The following SLC25A12 variants were observed in gnomAD, a reference collection of about 807,000 sequenced individuals.
SLC25A12 encodes the protein solute carrier family 25 member 12.
A neutral mutation model predicts 83.3 loss-of-function variants in SLC25A12; 32 were observed. The observed-to-expected ratio is 0.38, with a 90% CI of 0.29 to 0.52. The LOEUF (loss-of-function observed/expected upper bound fraction) is 0.52. Ranked by LOEUF, SLC25A12 falls within the 20% of genes least tolerant of loss-of-function variation. The pLI, the probability that SLC25A12 is intolerant of heterozygous loss-of-function variation, is 0.84. For missense variants in SLC25A12, 611 were observed against 835.6 expected, an observed-to-expected ratio of 0.73 and a Z score of 3.31; for synonymous variants, 267 against 291.1, an observed-to-expected ratio of 0.92 and a Z score of 0.84.
intron 4 of SLC25A12, among the ~76,000 whole-genome samples, chr2:171,848,528 C>G (rs2105898950): frequency 6.6e-6 from 1 of 151,944 alleles, no homozygotes; most frequent in Non-Finnish European, 1.5e-5. Flanking sequence ...CATAGCTGAA[C>G]AAAAACAATG....
chr2:171,792,888 C>A (rs1283709580), intron 14 of SLC25A12, among the ~76,000 whole-genome samples: 1 of 152,136 alleles, frequency 6.6e-6, no homozygotes, highest in African/African-American at 2.4e-5. Flanking sequence ...CACATTTCTG[C>A]AGTGATGGAT....
chr2:171,793,674 T>C lies in SLC25A12; in HGVS notation c.1399A>G (p.Ser467Gly). 6.2e-7 allele frequency: 1 copy of C among 1,614,188 alleles called. No homozygotes were observed. The highest frequency in any genetic ancestry group is 8.5e-7 in the Non-Finnish European group (1 of 1,180,032). The change falls in exon 14 of 18, where the codon AGC (serine) becomes GGC (glycine). Residue 467 changes from serine (S) to glycine (G), a missense_variant. This residue lies in a region of SLC25A12 where 540 missense variants were observed against 777.5 expected (regional missense o/e 0.69). Coordinates refer to ENST00000422440, the MANE Select transcript of SLC25A12 (RefSeq NM_003705.5). ...AGEITTGPRV[S>G]ALNVLRDLGI... Reference sequence around the variant, plus strand: ...AAGTCCCGGAGCACATTCAGGGCGCTGACTCTGGGTCCCGTGGTGATCTCT... The same window carrying C: ...AAGTCCCGGAGCACATTCAGGGCGCCGACTCTGGGTCCCGTGGTGATCTCT...
chr2:171,820,960 GGTGA>G (rs767288457), intron 9 of SLC25A12, among the ~76,000 whole-genome samples: 73 of 148,178 alleles, frequency 4.9e-4, no homozygotes, highest in Non-Finnish European at 9.4e-4. Flanking sequence ...TTCTACTGTT[GGTGA>G]GTATTTAGAT....
In SLC25A12 at chr2:171,810,243, T is replaced by C; in HGVS notation, c.1205A>G (p.Glu402Gly). 1 of 1,613,664 alleles carries C rather than the reference T, an allele frequency of 6.2e-7. No homozygotes were observed. The highest frequency in any genetic ancestry group is 8.5e-7 in the Non-Finnish European group (1 of 1,179,614). ...LIPQLIGVAP[E>G]KAIKLTVNDF... is the part of the protein sequence containing the mutation. Reference sequence around the variant, plus strand: ...ACTTACAGTCAGTTTAATGGCCTTTTCTGGAGCAACCCCTATAAGTTGTGG... The same window carrying C: ...ACTTACAGTCAGTTTAATGGCCTTTCCTGGAGCAACCCCTATAAGTTGTGG... The change falls in exon 12 of 18, where the codon GAA becomes GGA. Residue 402 changes from glutamate (E) to glycine (G), a missense_variant. Glu to Gly is a moderately conservative substitution (Grantham distance 98, BLOSUM62 -2). This residue lies in a region of SLC25A12 where 540 missense variants were observed against 777.5 expected (regional missense o/e 0.69). Transcript: ENST00000422440.
At chr2:171,807,459 TC>T (rs1345218216) in intron 13 of SLC25A12, among the ~76,000 whole-genome samples, 2 of 152,178 alleles carry the variant, frequency 1.3e-5, no homozygotes, top group African/African-American at 4.8e-5. Flanking sequence ...AGGTCACATG[TC>T]AGACATGGAA....
At chr2:171,832,098 T>C (rs1016166361) in intron 8 of SLC25A12, among the ~76,000 whole-genome samples, 1 of 152,200 alleles carries the variant, frequency 6.6e-6, no homozygotes, top group Admixed American at 6.5e-5. Flanking sequence ...CTGTATGGTT[T>C]CAAGGAAACC....
At chr2:171,848,037 AAT>A in intron 4 of SLC25A12, 1 of 369,918 alleles carries the variant, frequency 2.7e-6, no homozygotes, top group East Asian at 7.4e-5. Flanking sequence ...ATATTATGTA[AAT>A]ATGTCTTAAC....
At chr2:171,884,200 T>C (rs1223290651) in intron 2 of SLC25A12, among the ~76,000 whole-genome samples, 4 of 149,830 alleles carry the variant, frequency 2.7e-5, no homozygotes, top group African/African-American at 9.8e-5. Context: ...CTTTTTTTTT[T>C]TTCCCCCCGA....
chr2:171,857,711 G>A (rs1685075156), intron 3 of SLC25A12, among the ~76,000 whole-genome samples: 2 of 151,124 alleles, frequency 1.3e-5, no homozygotes, highest in South Asian at 2.1e-4. Context: ...AAATAAAAAT[G>A]TTAAAAGGAA....
At chr2:171,845,047 A>T (rs1684763905) in intron 4 of SLC25A12, among the ~76,000 whole-genome samples, 1 of 152,168 alleles carries the variant, frequency 6.6e-6, no homozygotes, top group Non-Finnish European at 1.5e-5. Flanking sequence ...CACCTTATTA[A>T]AAGCTTCTGA....
chr2:171,839,527 AAC>A (rs1684628862), intron 5 of SLC25A12, among the ~76,000 whole-genome samples: 1 of 152,194 alleles, frequency 6.6e-6, no homozygotes, highest in Non-Finnish European at 1.5e-5. Context: ...GAGCTTCAGA[AAC>A]AGTGTGACTG....
At chr2:171,877,553 T>G (rs1429488372) in intron 2 of SLC25A12, among the ~76,000 whole-genome samples, 1 of 151,438 alleles carries the variant, frequency 6.6e-6, no homozygotes, top group Non-Finnish European at 1.5e-5. Context: ...CAATCCCAGC[T>G]ACTCGAGAGG....
chr2:171,788,455 G>A (rs1690530983), intron 15 of SLC25A12: 1 of 169,400 alleles, frequency 5.9e-6, no homozygotes, highest in Non-Finnish European at 1.3e-5. Flanking sequence ...GCTACCTTGA[G>A]AGTTGACTGT....
chr2:171,834,074 A>G lies in SLC25A12; in HGVS notation c.752-18T>C. 2.0e-6 allele frequency: 3 copies of G among 1,465,066 alleles called. No individual in the cohort carries two copies. Among genetic ancestry groups the G allele is most frequent in the Non-Finnish European group, 2.9e-6 (3 of 1,044,384 alleles). The allele number at this position is 1,465,066 out of a possible 1,614,324, so 90.8% of individuals were successfully genotyped here. A position where few individuals can be genotyped will look rare whatever the true frequency, so the allele number is the denominator to read the frequency against. On this transcript the variant is annotated intron_variant, in intron 7 of 17. Transcript: ENST00000422440. ...AAATTCCTCTGGAACAGAGAAAAAA[A>G]AAGTTAAAATCTTGAATGATTCTTA...
At chr2:171,818,485 A>C (rs954218525) in intron 9 of SLC25A12, among the ~76,000 whole-genome samples, 1 of 151,686 alleles carries the variant, frequency 6.6e-6, no homozygotes, top group African/African-American at 2.4e-5. Flanking sequence ...GTAAGTGAGA[A>C]TTAGGTCTAG....
intron 11 of SLC25A12, among the ~76,000 whole-genome samples, chr2:171,811,399 C>T (rs1294449203): frequency 6.6e-6 from 1 of 152,164 alleles, no homozygotes; most frequent in Non-Finnish European, 1.5e-5. Context: ...TTATCAGGCT[C>T]TATTACTTTT....
At chr2:171,875,709 C>G (rs1402659152) in intron 2 of SLC25A12, among the ~76,000 whole-genome samples, 3 of 151,624 alleles carry the variant, frequency 2.0e-5, no homozygotes, top group African/African-American at 4.9e-5. Context: ...GTCAGGAGAT[C>G]GAGACCATCC....
intron 9 of SLC25A12, among the ~76,000 whole-genome samples, chr2:171,820,337 A>G (rs918589758): frequency 1.3e-5 from 2 of 152,202 alleles, no homozygotes; most frequent in African/African-American, 4.8e-5. Flanking sequence ...TTCCCATAGA[A>G]ACAAAACTTT....
chr2:171,812,765 A>C (rs1382477968), intron 11 of SLC25A12, among the ~76,000 whole-genome samples: 1 of 151,256 alleles, frequency 6.6e-6, no homozygotes, highest in Non-Finnish European at 1.5e-5. Context: ...TGGGGGAAAG[A>C]AGCAAGAATT....
Sources: allele counts gnomAD v4.1 joint callset (sites outside exome capture counted in the v4.1 genomes callset), GRCh38; gene constraint gnomAD v4.1.1; regional missense constraint gnomAD v4.1.1; transcripts MANE v1.5; gene names NCBI Gene and HGNC (gene_info 2026-07-23, HGNC 2026-07-21).